ETFA: variants seen among roughly 807,000 people sequenced by gnomAD.
The protein encoded by ETFA is electron transfer flavoprotein subunit alpha, mitochondrial.
A neutral mutation model predicts 46.2 loss-of-function variants in ETFA; 22 were observed. The observed-to-expected ratio is 0.48, with a 90% confidence interval of 0.34 to 0.68. The LOEUF (loss-of-function observed/expected upper bound fraction) is 0.68, where lower values mean the gene tolerates loss of function less well. ETFA is among the 30% of genes least tolerant of loss of function. ETFA has a pLI of 0.01. For missense variants in ETFA, 345 were observed against 401.1 expected (o/e 0.86, Z 1.19); for synonymous variants, 131 against 139.9 (o/e 0.94, Z 0.45).
intron 9 of ETFA, among the ~76,000 whole-genome samples, chr15:76,262,469 A>ACC (rs71444973): frequency 8.6e-6 from 1 of 116,124 alleles, no homozygotes; most frequent in African/African-American, 3.0e-5. Context: ...CCATAATCAA[A>ACC]CCCCCTTTTT....
At chr15:76,291,446 GAAA>G (rs754954938) in intron 4 of ETFA, among the ~76,000 whole-genome samples, 1 of 93,456 alleles carries the variant, frequency 1.1e-5, no homozygotes, top group Non-Finnish European at 2.0e-5. Flanking sequence ...ACTCCATCTC[GAAA>G]AAAAAAAAAA....
At chr15:76,269,547 G>T (rs935402709) in intron 9 of ETFA, among the ~76,000 whole-genome samples, 3 of 152,120 alleles carry the variant, frequency 2.0e-5, no homozygotes, top group African/African-American at 7.2e-5. Flanking sequence ...CCAGAGCTTG[G>T]GGCCTTTGCA....
intron 11 of ETFA, among the ~76,000 whole-genome samples, chr15:76,221,824 G>C (rs1357678558): frequency 6.6e-6 from 1 of 152,126 alleles, no homozygotes; most frequent in Non-Finnish European, 1.5e-5. Context: ...ATTTCTGAGG[G>C]AAAAACAAAC....
At chr15:76,288,920 C>CTTCTTCTT (rs1225461781) in intron 4 of ETFA, among the ~76,000 whole-genome samples, 233 of 110,088 alleles carry the variant, frequency 2.1e-3, no homozygotes, top group African/African-American at 7.3e-3. Flanking sequence ...TCTTCTTCTT[C>CTTCTTCTT]TTTTTTTTTT....
At chr15:76,259,902 CG>C (rs753283321) in intron 9 of ETFA, 4 of 1,202,108 alleles carry the variant, frequency 3.3e-6, no homozygotes, top group Non-Finnish European at 4.9e-6. Context: ...AAGATGACCA[CG>C]GGGATGGGGT....
chr15:76,219,823 A>G (rs754903264), intron 11 of ETFA, among the ~76,000 whole-genome samples: 11 of 152,232 alleles, frequency 7.2e-5, no homozygotes, highest in Admixed American at 2.0e-4. Context: ...TAAAAAACAG[A>G]AAATAACAAG....
chr15:76,259,815 G>A lies in ETFA; in HGVS notation c.816+14597C>T, dbSNP rs1053408862. On this transcript the variant is annotated intron_variant, in intron 9 of 11. Coordinates refer to ENST00000557943, the MANE Select transcript of ETFA (RefSeq NM_000126.4). ...CTGCAGGCAATGTCCACCATGAACC[G>A]GATCAGGGTAAAGGGGTTCTCCCCA... 10 of 1,598,714 alleles carry A rather than the reference G, an allele frequency of 6.3e-6. No homozygotes were observed. The African/African-American group carries it at 1.1e-4, about 17-fold the overall frequency.
intron 9 of ETFA, among the ~76,000 whole-genome samples, chr15:76,262,954 C>G (rs2039431504): frequency 6.6e-6 from 1 of 152,100 alleles, no homozygotes; most frequent in Admixed American, 6.5e-5. Context: ...AATTCTATAC[C>G]TAAGAATAGA....
chr15:76,244,642 G>A (rs914004647), intron 9 of ETFA, among the ~76,000 whole-genome samples: 8 of 146,096 alleles, frequency 5.5e-5, no homozygotes, highest in Non-Finnish European at 1.2e-4. Context: ...AACTATATGA[G>A]AAAATACATT....
intron 9 of ETFA, among the ~76,000 whole-genome samples, chr15:76,255,830 A>C (rs916486429): frequency 6.6e-6 from 1 of 152,178 alleles, no homozygotes; most frequent in African/African-American, 2.4e-5. Flanking sequence ...ATGGTGGGTA[A>C]CACTGCCTTA....
chr15:76,267,805 G>A (rs2039486681), intron 9 of ETFA, among the ~76,000 whole-genome samples: 1 of 152,150 alleles, frequency 6.6e-6, no homozygotes, highest in African/African-American at 2.4e-5. Flanking sequence ...TAAAAAGGCT[G>A]GACAAGATAT....
In ETFA at chr15:76,287,832, C is replaced by T. The variant is rs557684539; in HGVS notation, c.451+14G>A. ...ATTTAACATGTTGATTAATTATCTT[C>T]CTTGAGTACTCACCTGCATAAATAG... On this transcript the variant is annotated intron_variant, in intron 5 of 11. Transcript: ENST00000557943. The T allele has an allele frequency of 1.5e-4, 220 of 1,506,876 alleles. 2 individuals are homozygous for T. In the South Asian group the frequency reaches 2.3e-3, roughly 16 times the overall value. The allele number at this position is 1,506,876 out of a possible 1,614,324, so 93.3% of individuals were successfully genotyped here. A position where few individuals can be genotyped will look rare whatever the true frequency, so the allele number is the denominator to read the frequency against.
chr15:76,304,153 C>A (rs2039911980), intron 1 of ETFA, among the ~76,000 whole-genome samples: 1 of 152,172 alleles, frequency 6.6e-6, no homozygotes, highest in African/African-American at 2.4e-5. Context: ...ATGGACAGTG[C>A]TGGAGGCCAT....
chr15:76,227,583 C>G, intron 10 of ETFA: 1 of 298,474 alleles, frequency 3.4e-6, no homozygotes, highest in Non-Finnish European at 6.5e-6. Flanking sequence ...TTTATCAGTA[C>G]AAATAGTTTG....
chr15:76,286,584 T>C, intron 5 of ETFA, 103 bp from the exon 6 acceptor site: 1 of 754,080 alleles, frequency 1.3e-6, no homozygotes, highest in Non-Finnish European at 2.4e-6. Context: ...AAGAAATAAC[T>C]ATTGACCAGT....
At chr15:76,228,750 AC>A (rs1474313239) in intron 10 of ETFA, 1 of 123,176 alleles carries the variant, frequency 8.1e-6, no homozygotes, top group Non-Finnish European at 1.6e-5. Context: ...TATTATTATT[AC>A]TTTTTTTTTT....
chr15:76,291,446 G>GAAAAA (rs754954938), intron 4 of ETFA, among the ~76,000 whole-genome samples: 2 of 93,452 alleles, frequency 2.1e-5, no homozygotes, highest in African/African-American at 4.5e-5. Flanking sequence ...ACTCCATCTC[G>GAAAAA]AAAAAAAAAA....
Position 76,274,495 on chromosome 15 carries a change from C to A in ETFA, c.734-1G>T. On this transcript the variant is annotated splice_acceptor_variant, in intron 8 of 11. Transcript: ENST00000557943. LOFTEE classifies it high-confidence loss of function. ...TCAACAGCAGCACGGGAAGCACCAA[C>A]TAAGGGGAAAAAATATTTGTCATTT... The A allele has an allele frequency of 6.2e-7, 1 of 1,609,422 alleles. No homozygotes were observed. Among genetic ancestry groups the A allele is most frequent in the Non-Finnish European group, 8.5e-7 (1 of 1,177,098 alleles).
At chr15:76,233,065 G>A (rs980021910) in intron 9 of ETFA, among the ~76,000 whole-genome samples, 6 of 152,188 alleles carry the variant, frequency 3.9e-5, no homozygotes, top group Non-Finnish European at 7.3e-5. Context: ...CCAAAAGCCT[G>A]AAGACAAGAA....
Sources: allele counts gnomAD v4.1 joint callset (sites outside exome capture counted in the v4.1 genomes callset), GRCh38; gene constraint gnomAD v4.1.1; transcripts MANE v1.5; gene names NCBI Gene and HGNC (gene_info 2026-07-23, HGNC 2026-07-21).